Variants in TEX10 observed in about 807,000 individuals in gnomAD.
TEX10 encodes testis expressed 10, also known as testis-expressed protein 10.
Under a neutral mutation model 104.4 loss-of-function variants are expected in TEX10, and 24 were observed. That is an observed-to-expected ratio of 0.23 (90% CI 0.17 to 0.32). The LOEUF (loss-of-function observed/expected upper bound fraction) is 0.32. Ranked by LOEUF, TEX10 falls within the 10% of genes least tolerant of loss-of-function variation. TEX10 has a pLI of 1.00. For missense variants in TEX10, 921 were observed against 1,083.9 expected, an observed-to-expected ratio of 0.85 and a Z score of 2.11; for synonymous variants, 396 against 393.4, an observed-to-expected ratio of 1.01 and a Z score of -0.08.
intron 5 of TEX10, among the ~76,000 whole-genome samples, chr9:100,334,048 G>C (rs1834943289): frequency 6.6e-6 from 1 of 152,172 alleles, no homozygotes; most frequent in African/African-American, 2.4e-5. Flanking sequence ...GATGTAACAT[G>C]CATTAAATTG....
chr9:100,310,386 G>A lies in TEX10; in HGVS notation c.2203-7C>T. On this transcript the variant is annotated splice_polypyrimidine_tract_variant and splice_region_variant and intron_variant, in intron 11 of 14. Transcript: ENST00000374902. ...ATAAACTGTGAAAAACTGCCTGTCA[G>A]AAAAGGAGAAAACCACTAACCAAAT... 6.2e-7 allele frequency: 1 copy of A among 1,611,754 alleles called. No homozygotes were observed. The highest frequency in any genetic ancestry group is 8.5e-7 in the Non-Finnish European group (1 of 1,178,916).
At position 100,342,975 on chromosome 9, in the gene TEX10, G is replaced by A. The variant is rs149192962; in HGVS notation, c.1138-2606C>T. Among the ~76,000 whole-genome samples, 881 of 151,586 alleles carry A rather than the reference G, an allele frequency of 5.8e-3. 4 individuals are homozygous for A. The highest frequency in any genetic ancestry group is 0.014 in the Middle Eastern group (4 of 294). ...ATCCTGGCTGACACGGTGAAACTCC[G>A]TCTCTACTAAAAATACAAAAAAAAT... is the stretch of plus-strand genomic sequence containing the variant. On this transcript the variant is annotated intron_variant, in intron 4 of 14. Transcript: ENST00000374902.
intron 5 of TEX10, among the ~76,000 whole-genome samples, chr9:100,335,974 C>T (rs927120524): frequency 2.0e-5 from 3 of 151,832 alleles, no homozygotes; most frequent in African/African-American, 7.3e-5. Flanking sequence ...TCGAGACCAG[C>T]CTGACCAACA....
chr9:100,342,877 T>C (rs1430226308), intron 4 of TEX10, among the ~76,000 whole-genome samples: 1 of 152,066 alleles, frequency 6.6e-6, no homozygotes, highest in Non-Finnish European at 1.5e-5. Flanking sequence ...GCCGGGCGCG[T>C]TGGCTCATGC....
At chr9:100,330,274 T>A in intron 5 of TEX10, 105 bp from the exon 6 acceptor site, 1 of 859,244 alleles carries the variant, frequency 1.2e-6, no homozygotes, top group Non-Finnish European at 1.8e-6. Flanking sequence ...AATTCCCTTC[T>A]AGAATTAATA....
At chr9:100,321,814 T>C (rs1161496483) in intron 9 of TEX10, 43 bp from the exon 10 acceptor site, 1 of 1,442,220 alleles carries the variant, frequency 6.9e-7, no homozygotes, top group African/African-American at 1.4e-5. Flanking sequence ...AGTGACCAAC[T>C]TGACAGACTT....
intron 1 of TEX10, chr9:100,352,526 G>T: frequency 6.5e-7 from 1 of 1,550,034 alleles, no homozygotes; most frequent in Non-Finnish European, 8.7e-7. Flanking sequence ...AACTCTCTCG[G>T]ACCCGAAACC....
At position 100,308,188 on chromosome 9, in the gene TEX10, G is replaced by A. The variant is rs111436396; in HGVS notation, c.2465+312C>T. Among the ~76,000 whole-genome samples, 554 of 151,278 alleles carry A rather than the reference G, an allele frequency of 3.7e-3. 4 individuals carry two copies. The highest frequency in any genetic ancestry group is 0.013 in the African/African-American group (518 of 41,164). On this transcript the variant is annotated intron_variant, in intron 13 of 14. Coordinates refer to ENST00000374902, the MANE Select transcript of TEX10 (RefSeq NM_017746.4). ...GGTACTAATAGCCCATCCTCCTAAC[G>A]GTAGATTTATTTTTCTTGCTAGACT...
At chr9:100,318,757 T>A (rs1443325542) in intron 11 of TEX10, among the ~76,000 whole-genome samples, 1 of 152,232 alleles carries the variant, frequency 6.6e-6, no homozygotes, top group Non-Finnish European at 1.5e-5. Context: ...ATCAGCCTTA[T>A]AATTCCAATT....
At chr9:100,302,629 CT>C (rs1241026774) in intron 14 of TEX10, among the ~76,000 whole-genome samples, 3 of 152,178 alleles carry the variant, frequency 2.0e-5, no homozygotes, top group African/African-American at 7.2e-5. Context: ...GTCTCATGAT[CT>C]TTACCCCAGT....
chr9:100,310,758 A>C (rs1280363672), intron 11 of TEX10, among the ~76,000 whole-genome samples: 1 of 152,178 alleles, frequency 6.6e-6, no homozygotes, highest in Non-Finnish European at 1.5e-5. Context: ...TTTAATACCT[A>C]CTTGCTCTAC....
chr9:100,341,708 A>G (rs1835179107), intron 4 of TEX10, among the ~76,000 whole-genome samples: 1 of 152,124 alleles, frequency 6.6e-6, no homozygotes, highest in Non-Finnish European at 1.5e-5. Flanking sequence ...CCCACACAGC[A>G]GCCAGGGTGA....
chr9:100,343,779 A>G (rs888418212), intron 4 of TEX10, among the ~76,000 whole-genome samples: 3 of 152,190 alleles, frequency 2.0e-5, no homozygotes, highest in Non-Finnish European at 4.4e-5. Flanking sequence ...TTCTGAGAGA[A>G]AAAGAGTTAC....
chr9:100,320,474 T>A, intron 10 of TEX10, 76 bp from the exon 11 acceptor site: 1 of 1,460,560 alleles, frequency 6.8e-7, no homozygotes, highest in Non-Finnish European at 9.2e-7. Flanking sequence ...AAAACAGAGA[T>A]GACATATGCC....
At position 100,351,912 on chromosome 9, in the gene TEX10, A is replaced by T. The variant is rs1835461125; in HGVS notation, c.-10+860T>A. On this transcript the variant is annotated intron_variant, in intron 1 of 14. Transcript: ENST00000374902. ...ACTTTTACAGTAGCCGGTTTTTAGC[A>T]AAAGGTAGGAACGCCAGTCTCAGAG... Among the ~76,000 whole-genome samples the T allele has an allele frequency of 3.3e-5, 5 of 152,212 alleles. No individual in the cohort carries two copies. In the South Asian group the frequency reaches 1.0e-3, roughly 31 times the overall value.
intron 4 of TEX10, among the ~76,000 whole-genome samples, chr9:100,341,600 C>T (rs1341150512): frequency 1.3e-5 from 2 of 152,136 alleles, no homozygotes; most frequent in Non-Finnish European, 2.9e-5. Context: ...TCATTTCAAC[C>T]ACTAGATACC....
At chr9:100,320,523 A>G in intron 10 of TEX10, 125 bp from the exon 11 acceptor site, 2 of 1,062,338 alleles carry the variant, frequency 1.9e-6, no homozygotes, top group Non-Finnish European at 2.6e-6. Context: ...GTTTTCTCTG[A>G]GCTTCTGCAT....
Position 100,326,577 on chromosome 9 carries a change from A to G in TEX10, c.1802-98T>C, listed in dbSNP as rs919278427. Reference sequence around the variant, plus strand: ...ATGACTTCCATTGAATTATGGGCTAACATTTTATGCTGAATTTTATGAATA... The same window carrying G: ...ATGACTTCCATTGAATTATGGGCTAGCATTTTATGCTGAATTTTATGAATA... On this transcript the variant is annotated intron_variant, in intron 8 of 14. Transcript: ENST00000374902. 5.9e-6 allele frequency: 7 copies of G among 1,189,200 alleles called. No homozygotes were observed. The East Asian group carries it at 1.8e-4, about 31-fold the overall frequency. The allele number at this position is 1,189,200 out of a possible 1,614,324, so 73.7% of individuals were successfully genotyped here.
At chr9:100,310,470 ACT>A (rs1834248809) in intron 11 of TEX10, 91 bp from the exon 12 acceptor site, 1 of 1,222,644 alleles carries the variant, frequency 8.2e-7, no homozygotes, top group Admixed American at 2.1e-5. Context: ...ACAGAGTTTC[ACT>A]CTGTCGCCCA....
Sources: gnomAD v4.1 joint callset for allele counts (sites outside exome capture counted in the v4.1 genomes callset) on GRCh38, gnomAD v4.1.1 for gene constraint, MANE v1.5 for transcripts, NCBI Gene and HGNC (gene_info 2026-07-23, HGNC 2026-07-21) for gene names.